Variants in RIT2 observed in about 807,000 individuals in gnomAD.
RIT2 encodes Ras like without CAAX 2, also known as GTP-binding protein Rit2.
Under a neutral mutation model 23.7 loss-of-function variants are expected in RIT2, and 24 were observed. The ratio of observed to expected loss-of-function variants is 1.01; its 90% CI spans 0.73 to 1.43. RIT2 has a LOEUF of 1.43. RIT2 is among the 40% of genes most tolerant of loss of function. The pLI is 0.00. For synonymous variants in RIT2, 107 were observed against 91.1 expected, an observed-to-expected ratio of 1.17 and a Z score of -0.99; for missense variants, 236 against 266.9, an observed-to-expected ratio of 0.88 and a Z score of 0.81.
chr18:42,758,706 G>A (rs998160123), intron 4 of RIT2, among the ~76,000 whole-genome samples: 2 of 140,500 alleles, frequency 1.4e-5, no homozygotes, highest in African/African-American at 5.1e-5. Context: ...TGTATTTTTA[G>A]TAGAGACAGG....
chr18:43,064,817 A>ATTAT (rs1912732040), intron 1 of RIT2, among the ~76,000 whole-genome samples: 1 of 151,996 alleles, frequency 6.6e-6, no homozygotes, highest in Non-Finnish European at 1.5e-5. Context: ...ATTTATTTTT[A>ATTAT]TTATTTATTT....
chr18:43,091,380 C>T (rs751421726), intron 1 of RIT2, among the ~76,000 whole-genome samples: 25 of 152,132 alleles, frequency 1.6e-4, no homozygotes, highest in Middle Eastern at 3.4e-3. Context: ...CACGCCAATA[C>T]CAATGAGATT....
At chr18:42,819,607 C>T (rs1906093158) in intron 4 of RIT2, among the ~76,000 whole-genome samples, 1 of 151,946 alleles carries the variant, frequency 6.6e-6, no homozygotes, top group African/African-American at 2.4e-5. Flanking sequence ...AATTAGTTTA[C>T]CCTGCTTATG....
intron 3 of RIT2, among the ~76,000 whole-genome samples, chr18:42,943,542 AT>A (rs1385535845): frequency 1.3e-5 from 2 of 152,126 alleles, no homozygotes; most frequent in African/African-American, 4.8e-5. Flanking sequence ...ATCAACACAA[AT>A]TGGGTAAATA....
intron 4 of RIT2, among the ~76,000 whole-genome samples, chr18:42,767,749 G>A (rs1275793028): frequency 1.3e-5 from 2 of 152,128 alleles, no homozygotes; most frequent in Admixed American, 6.5e-5. Flanking sequence ...TGTTTTAAGA[G>A]GGATCCAGGG....
At chr18:42,813,915 G>A (rs1319576881) in intron 4 of RIT2, among the ~76,000 whole-genome samples, 2 of 152,218 alleles carry the variant, frequency 1.3e-5, no homozygotes, top group Non-Finnish European at 2.9e-5. Context: ...GTGGAAGTGG[G>A]AATGGGAGAT....
chr18:43,037,832 G>C (rs1369722041), intron 1 of RIT2, among the ~76,000 whole-genome samples: 2 of 152,042 alleles, frequency 1.3e-5, no homozygotes, highest in African/African-American at 4.8e-5. Flanking sequence ...CATGTTAACT[G>C]TTTGGTCTGT....
intron 4 of RIT2, among the ~76,000 whole-genome samples, chr18:42,835,526 A>T (rs2144015781): frequency 6.6e-6 from 1 of 152,270 alleles, no homozygotes; most frequent in African/African-American, 2.4e-5. Flanking sequence ...CTTGTTTATT[A>T]AAAGATTTAT....
intron 4 of RIT2, among the ~76,000 whole-genome samples, chr18:42,758,930 C>T (rs190887036): frequency 2.8e-3 from 433 of 152,258 alleles, no homozygotes; most frequent in Non-Finnish European, 4.7e-3. Flanking sequence ...GGACTTAAAT[C>T]ATCAACTCCT....
chr18:42,961,000 C>T (rs576144806), intron 3 of RIT2, among the ~76,000 whole-genome samples: 1 of 152,052 alleles, frequency 6.6e-6, no homozygotes, highest in South Asian at 2.1e-4. Flanking sequence ...TTATAATGTT[C>T]CCTCTTGTGT....
chr18:43,105,422 G>A (rs149013254), intron 1 of RIT2, among the ~76,000 whole-genome samples: 1 of 92,468 alleles, frequency 1.1e-5, no homozygotes, highest in African/African-American at 4.0e-5. Context: ...ACTGCCTTAG[G>A]TGGAGGCATG....
At chr18:42,965,080 A>G (rs1910183825) in intron 3 of RIT2, among the ~76,000 whole-genome samples, 1 of 152,200 alleles carries the variant, frequency 6.6e-6, no homozygotes, top group African/African-American at 2.4e-5. Context: ...AATGTCATGA[A>G]GGCAGGAAAA....
intron 1 of RIT2, among the ~76,000 whole-genome samples, chr18:43,107,574 T>G (rs1044310459): frequency 6.6e-6 from 1 of 152,220 alleles, no homozygotes; most frequent in African/African-American, 2.4e-5. Context: ...CTGTTTACTT[T>G]CTTTGTTTGC....
intron 1 of RIT2, among the ~76,000 whole-genome samples, chr18:43,098,577 G>GT (rs992038875): frequency 2.6e-5 from 4 of 151,890 alleles, no homozygotes; most frequent in Admixed American, 1.3e-4. Flanking sequence ...ACAGAATAGG[G>GT]TTTTTTGTAA....
intron 1 of RIT2, among the ~76,000 whole-genome samples, chr18:43,109,282 A>G (rs1358856803): frequency 6.6e-6 from 1 of 152,252 alleles, no homozygotes; most frequent in Non-Finnish European, 1.5e-5. Context: ...CAATGGAAAC[A>G]TTCTAATAAA....
chr18:42,851,178 C>T (rs1016687036), intron 4 of RIT2, among the ~76,000 whole-genome samples: 1 of 152,154 alleles, frequency 6.6e-6, no homozygotes, highest in Non-Finnish European at 1.5e-5. Flanking sequence ...GCTATTACTC[C>T]AAAAACCCTA....
chr18:43,003,922 C>A (rs954416232), intron 2 of RIT2, among the ~76,000 whole-genome samples: 6 of 151,664 alleles, frequency 4.0e-5, no homozygotes, highest in Non-Finnish European at 7.4e-5. Flanking sequence ...TTTCCTACCC[C>A]AAATGATATT....
intron 4 of RIT2, among the ~76,000 whole-genome samples, chr18:42,812,429 A>G (rs1035931992): frequency 6.6e-6 from 1 of 152,170 alleles, no homozygotes; most frequent in Non-Finnish European, 1.5e-5. Context: ...TCATTAGAAG[A>G]ACATTTTCAG....
rs1246473291 is a variant in RIT2, at chr18:43,115,681, C to T, written c.-162G>A. 1.1e-6 allele frequency: 1 copy of T among 950,958 alleles called. No individual in the cohort carries two copies. Among genetic ancestry groups the T allele is most frequent in the Non-Finnish European group, 1.5e-6 (1 of 681,406 alleles). The allele number at this position is 950,958 out of a possible 1,614,324, so 58.9% of individuals were successfully genotyped here. A position where few individuals can be genotyped will look rare whatever the true frequency, so the allele number is the denominator to read the frequency against. Reference sequence around the variant, plus strand: ...CTGCTGGTCCTCCGCTCGAGCGGGTCTCATAGCAACCACTTCAATTGCTTC... The same window carrying T: ...CTGCTGGTCCTCCGCTCGAGCGGGTTTCATAGCAACCACTTCAATTGCTTC... On this transcript the variant is annotated 5_prime_UTR_variant, in exon 1 of 5. Transcript: ENST00000326695.
Sources: allele counts gnomAD v4.1 joint callset (sites outside exome capture counted in the v4.1 genomes callset), GRCh38; gene constraint gnomAD v4.1.1; transcripts MANE v1.5; gene names NCBI Gene and HGNC (gene_info 2026-07-23, HGNC 2026-07-21).